Variants in SAXO4 observed in about 807,000 individuals in gnomAD.
The protein encoded by SAXO4 is protein phosphatase 1 regulatory subunit 32.
chr11:61,485,480 C>A, the SAXO4 span: 1 of 1,334,878 alleles, frequency 7.5e-7, no homozygotes, highest in Non-Finnish European at 1.1e-6. Context: ...GGCCCTGGAG[C>A]TGGCCTAGGA....
chr11:61,481,752 C>T, the SAXO4 span: 1 of 985,830 alleles, frequency 1.0e-6, no homozygotes, highest in African/African-American at 1.7e-5. Context: ...AGGCTTGGGA[C>T]CCATGAGGCT....
chr11:61,486,931 G>GGT, the SAXO4 span: 6 of 1,609,850 alleles, frequency 3.7e-6, no homozygotes, highest in Non-Finnish European at 5.1e-6. Context: ...CCCTTCTGGT[G>GGT]GTTCTGTGCC....
the SAXO4 span, chr11:61,490,868 C>A: frequency 2.1e-6 from 1 of 486,892 alleles, no homozygotes; most frequent in East Asian, 3.6e-5. Flanking sequence ...CCCACTCCAT[C>A]CCCCAGGGGA....
chr11:61,487,220 C>T, the SAXO4 span: 2 of 1,614,018 alleles, frequency 1.2e-6, no homozygotes, highest in Non-Finnish European at 1.7e-6. Context: ...ATCAGCGATA[C>T]CTGACCACCT....
the SAXO4 span, chr11:61,484,855 G>C: frequency 6.5e-7 from 1 of 1,532,182 alleles, no homozygotes; most frequent in Non-Finnish European, 8.8e-7. Flanking sequence ...GGGTGGGGCA[G>C]AGGGGCCACA....
At chr11:61,486,005 C>G in the SAXO4 span, 1 of 881,256 alleles carries the variant, frequency 1.1e-6, no homozygotes, top group Admixed American at 2.6e-5. Context: ...AGCTGCAGAG[C>G]CCTTTGTTCA....
At chr11:61,482,407 C>A in the SAXO4 span, 2 of 1,614,038 alleles carry the variant, frequency 1.2e-6, no homozygotes, top group East Asian at 2.2e-5. Context: ...AGTCTGGAGG[C>A]CTTAGACAAC....
chr11:61,483,373 A>G, the SAXO4 span, among the ~76,000 whole-genome samples: 1 of 151,798 alleles, frequency 6.6e-6, no homozygotes, highest in Non-Finnish European at 1.5e-5. Context: ...TCACCGTGTT[A>G]GCCAGGATAG....
the SAXO4 span, chr11:61,482,329 C>T: frequency 2.5e-6 from 4 of 1,614,148 alleles, no homozygotes; most frequent in Non-Finnish European, 3.4e-6. Context: ...GATTTCAAGC[C>T]CCGTGTGGGC....
At chr11:61,490,425 C>G in the SAXO4 span, 1 of 1,355,766 alleles carries the variant, frequency 7.4e-7, no homozygotes, top group Non-Finnish European at 1.1e-6. Flanking sequence ...CAGGGAGGGT[C>G]AGGCAGAAGA....
chr11:61,482,841 C>T, the SAXO4 span: 3 of 1,562,738 alleles, frequency 1.9e-6, no homozygotes, highest in Admixed American at 4.0e-5. Context: ...GAGAGGGAAG[C>T]CTCAGGGTGG....
the SAXO4 span, among the ~76,000 whole-genome samples, chr11:61,483,608 C>G: frequency 6.6e-6 from 1 of 151,698 alleles, no homozygotes; most frequent in African/African-American, 2.4e-5. Context: ...GGGTGGAGTG[C>G]GGGGTGGGGC....
At chr11:61,488,568 T>A in the SAXO4 span, among the ~76,000 whole-genome samples, 2 of 152,116 alleles carry the variant, frequency 1.3e-5, no homozygotes, top group African/African-American at 2.4e-5. Flanking sequence ...GGAAGTATAA[T>A]TCTTAGGACA....
At chr11:61,490,636 G>A in the SAXO4 span, 2 of 1,481,822 alleles carry the variant, frequency 1.3e-6, no homozygotes, top group South Asian at 1.1e-5. Flanking sequence ...GTGGGCAACC[G>A]TTATGGGCCA....
At chr11:61,489,848 G>C in the SAXO4 span, 2 of 1,613,946 alleles carry the variant, frequency 1.2e-6, no homozygotes, top group South Asian at 2.2e-5. Context: ...TCCAGCCCCA[G>C]ATGCCAGGAG....
chr11:61,482,701 C>T, the SAXO4 span: 42 of 1,613,942 alleles, frequency 2.6e-5, no homozygotes, highest in Admixed American at 1.8e-4. Context: ...CCAGAGCTAC[C>T]GCCCCCTGGA....
the SAXO4 span, chr11:61,485,856 C>T: frequency 5.6e-6 from 9 of 1,613,924 alleles, no homozygotes; most frequent in African/African-American, 1.3e-5. Context: ...ACCAAACAGT[C>T]CCACCAGAGC....
At chr11:61,482,476 C>A in the SAXO4 span, 1 of 1,580,026 alleles carries the variant, frequency 6.3e-7, no homozygotes, top group Non-Finnish European at 8.7e-7. Flanking sequence ...CTCATCAGAC[C>A]AACTCCAGGT....
At chr11:61,488,068 C>T in the SAXO4 span, among the ~76,000 whole-genome samples, 2 of 149,326 alleles carry the variant, frequency 1.3e-5, no homozygotes, top group African/African-American at 2.5e-5. Context: ...CTCACCGCAA[C>T]CTTCGCCTCA....
Sources: gnomAD v4.1 joint callset for allele counts (sites outside exome capture counted in the v4.1 genomes callset) on GRCh38, gnomAD v4.1.1 for gene constraint, MANE v1.5 for transcripts, NCBI Gene and HGNC (gene_info 2026-07-23, HGNC 2026-07-21) for gene names.